Variants in IP6K2 observed in about 807,000 individuals in gnomAD.
IP6K2 encodes the protein ATP:1D-myo-inositol-hexakisphosphate phosphotransferase.
Under a neutral mutation model 43.3 loss-of-function variants are expected in IP6K2, and 9 were observed. The observed-to-expected ratio is 0.21, with a 90% CI of 0.13 to 0.36. The LOEUF (loss-of-function observed/expected upper bound fraction) is 0.36. Ranked by LOEUF, IP6K2 falls within the 10% of genes least tolerant of loss-of-function variation. The probability of loss-of-function intolerance (pLI) is 1.00; values close to 1 mark genes in which losing one functional copy is unlikely to be tolerated. For synonymous variants in IP6K2, 209 were observed against 202.4 expected, an observed-to-expected ratio of 1.03 and a Z score of -0.28; for missense variants, 332 against 538.4, an observed-to-expected ratio of 0.62 and a Z score of 3.79.
chr3:48,691,551 C>T (rs2077779135), intron 3 of IP6K2, 69 bp from the exon 4 acceptor site: 3 of 1,216,768 alleles, frequency 2.5e-6, no homozygotes, highest in African/African-American at 3.0e-5. Flanking sequence ...CATGGTGGCT[C>T]ATGCCTGTAA....
intron 1 of IP6K2, among the ~76,000 whole-genome samples, chr3:48,704,002 G>GA (rs1156234499): frequency 6.6e-6 from 1 of 151,946 alleles, no homozygotes; most frequent in East Asian, 1.9e-4. Flanking sequence ...TGAGGTAGGA[G>GA]AATTGCTTGA....
In IP6K2 at chr3:48,688,591, C is replaced by A. The variant is rs1220111422; in HGVS notation, c.963G>T (p.Gln321His). The A allele has an allele frequency of 1.2e-6, 2 of 1,614,256 alleles. No homozygotes were observed. The highest frequency in any genetic ancestry group is 1.1e-5 in the South Asian group (1 of 91,090). The part of the protein sequence containing the change: ...LTELKAVLER[Q>H]ESYRFYSSSL... The stretch of plus-strand genomic sequence containing the variant: ...AGCTTGAGTAGAAGCGGTAGGACTC[C>A]TGTCGCTCCAACACTGCCTTGAGCT... The change falls in exon 6 of 6, where the codon CAG (glutamine) becomes CAT (histidine). Residue 321 changes from glutamine (Q) to histidine (H), a missense_variant. Gln to His is a conservative substitution (Grantham distance 24). Coordinates refer to ENST00000328631, the MANE Select transcript of IP6K2 (RefSeq NM_016291.4). The surrounding 1 kb of genome is among the most constrained non-coding windows in gnomAD (Gnocchi z 5.1).
chr3:48,695,112 G>T lies in IP6K2; in HGVS notation c.180C>A (p.Arg60=). ...TACCTTTGTACTGGGGAGTGAATTT[G>T]CGCATCTCAGCAGGGAGGGTCTCGT... The part of the protein sequence containing the change: ...QFYETLPAEM[R]KFTPQYKGVV... The change falls in exon 2 of 6, where the codon CGC becomes CGA. Residue 60 remains arginine, a synonymous_variant. Transcript: ENST00000328631. The surrounding 1 kb of genome is among the most constrained non-coding windows in gnomAD (Gnocchi z 4.6). The T allele has an allele frequency of 6.2e-7, 1 of 1,613,012 alleles. No individual in the cohort carries two copies. The highest frequency in any genetic ancestry group is 8.5e-7 in the Non-Finnish European group (1 of 1,178,982).
intron 1 of IP6K2, among the ~76,000 whole-genome samples, chr3:48,712,488 C>T (rs1559568743): frequency 6.6e-6 from 1 of 151,744 alleles, no homozygotes; most frequent in South Asian, 2.1e-4. Flanking sequence ...CCTCATGATC[C>T]GCCTGCCTTC....
At position 48,695,600 on chromosome 3, in the gene IP6K2, G is replaced by C. The variant is rs1028653500; in HGVS notation, c.-130-179C>G. 2 of 741,754 alleles carry C rather than the reference G, an allele frequency of 2.7e-6. No homozygotes were observed. The highest frequency in any genetic ancestry group is 3.8e-6 in the Non-Finnish European group (2 of 532,620). The allele number at this position is 741,754 out of a possible 1,614,324, so 45.9% of individuals were successfully genotyped here. A position where few individuals can be genotyped will look rare whatever the true frequency, so the allele number is the denominator to read the frequency against. On this transcript the variant is annotated intron_variant, in intron 1 of 5. Transcript: ENST00000328631. The surrounding 1 kb of genome is among the most constrained non-coding windows in gnomAD (Gnocchi z 4.6). ...TCCGGCAGAAAAACAAAAACACTAT[G>C]AGCTCATGGGGCGGGGTTAGATGCA... is the stretch of plus-strand genomic sequence containing the variant.
intron 2 of IP6K2, 50 bp from the exon 3 acceptor site, chr3:48,693,229 C>T (rs752281924): frequency 4.8e-6 from 7 of 1,448,584 alleles, no homozygotes; most frequent in South Asian, 1.1e-5. Context: ...CAGGAAGAAG[C>T]GTTGTAAGTA....
intron 2 of IP6K2, chr3:48,694,480 C>A (rs751830221): frequency 3.9e-6 from 6 of 1,548,528 alleles, no homozygotes; most frequent in Non-Finnish European, 5.2e-6. Flanking sequence ...AAGACTCCCC[C>A]ACTCCCCAAC....
At chr3:48,702,948 C>T (rs1379316356) in intron 1 of IP6K2, among the ~76,000 whole-genome samples, 1 of 152,238 alleles carries the variant, frequency 6.6e-6, no homozygotes, top group Non-Finnish European at 1.5e-5. Context: ...AAGGCACCCA[C>T]TGCAATCATC....
chr3:48,715,239 TGAAA>T (rs2081063619), intron 1 of IP6K2: 3 of 1,472,584 alleles, frequency 2.0e-6, no homozygotes, highest in Non-Finnish European at 1.8e-6. Flanking sequence ...TCCCACTAGG[TGAAA>T]TAACTTCACT....
chr3:48,705,028 G>A (rs939111377), intron 1 of IP6K2, among the ~76,000 whole-genome samples: 1 of 151,956 alleles, frequency 6.6e-6, no homozygotes, highest in Non-Finnish European at 1.5e-5. Context: ...TGCAAGCTCC[G>A]CCTCCCAGGT....
chr3:48,714,829 C>CAG (rs146456944), intron 1 of IP6K2, among the ~76,000 whole-genome samples: 1 of 120,936 alleles, frequency 8.3e-6, no homozygotes, highest in African/African-American at 3.2e-5. Context: ...GCCTGGGCGA[C>CAG]AGAGAGAGAC....
chr3:48,692,145 C>T (rs534890235), intron 3 of IP6K2, among the ~76,000 whole-genome samples: 82 of 152,276 alleles, frequency 5.4e-4, no homozygotes, highest in African/African-American at 1.9e-3. Context: ...AAACTTTCTA[C>T]AGTAATGAAA....
At chr3:48,702,055 T>C (rs1422889258) in intron 1 of IP6K2, among the ~76,000 whole-genome samples, 1 of 152,066 alleles carries the variant, frequency 6.6e-6, no homozygotes, top group Admixed American at 6.6e-5. Flanking sequence ...CCTTGACCTC[T>C]ACTAAAATAA....
chr3:48,692,719 AGAGT>A (rs35129867), intron 3 of IP6K2, among the ~76,000 whole-genome samples: 12 of 152,238 alleles, frequency 7.9e-5, no homozygotes, highest in Admixed American at 7.9e-4. Context: ...CAGTCATAGA[AGAGT>A]GAGTGAATCT....
At chr3:48,715,343 G>C (rs1391894137) in intron 1 of IP6K2, 1 of 1,536,036 alleles carries the variant, frequency 6.5e-7, no homozygotes, top group Non-Finnish European at 8.7e-7. Context: ...GGGAGGTTCA[G>C]GCTCATCCCT....
chr3:48,714,031 C>T (rs1306635549), intron 1 of IP6K2, among the ~76,000 whole-genome samples: 2 of 152,192 alleles, frequency 1.3e-5, no homozygotes, highest in Non-Finnish European at 2.9e-5. Flanking sequence ...GCAGGAGAAT[C>T]GGTTGAACCT....
In IP6K2 at chr3:48,688,408, G is replaced by C. The variant is rs1175586691; in HGVS notation, c.1146C>G (p.Ile382Met). ...IGASSVDVRM[I>M]DFAHTTCRLY... Reference sequence around the variant, plus strand: ...GCCTGCAGGTGGTGTGTGCAAAGTCGATCATGCGCACATCTACAGAGCTGG... The same window carrying C: ...GCCTGCAGGTGGTGTGTGCAAAGTCCATCATGCGCACATCTACAGAGCTGG... The change falls in exon 6 of 6, where the codon ATC becomes ATG. Residue 382 changes from isoleucine to methionine, a missense_variant. Ile to Met is a conservative substitution (Grantham distance 10). Transcript: ENST00000328631. The surrounding 1 kb of genome is among the most constrained non-coding windows in gnomAD (Gnocchi z 5.1). 6.2e-7 allele frequency: 1 copy of C among 1,614,238 alleles called. No homozygotes were observed. Among genetic ancestry groups the C allele is most frequent in the Non-Finnish European group, 8.5e-7 (1 of 1,180,042 alleles).
Position 48,693,003 on chromosome 3 carries a change from T to A in IP6K2, c.379A>T (p.Thr127Ser), listed in dbSNP as rs750673256. The A allele has an allele frequency of 7.4e-6, 12 of 1,614,094 alleles. No individual in the cohort carries two copies. Among genetic ancestry groups the A allele is most frequent in the African/African-American group, 4.0e-5 (3 of 74,938 alleles). Residue 127 changes from threonine to serine, a missense_variant, in exon 3 of 6, where the codon ACC (threonine) becomes TCC (serine). Coordinates refer to ENST00000328631, the MANE Select transcript of IP6K2 (RefSeq NM_016291.4). ...TGCTGACGCACCCAGTCCTTAGGGG[T>A]CTTTTCTGTTTCTAAGACATGATGT... is the stretch of plus-strand genomic sequence containing the variant. ...KKHHVLETEKTPKDWVRQHRK... is the reference protein window; with the variant it reads ...KKHHVLETEKSPKDWVRQHRK...
At chr3:48,714,714 G>A (rs1006785662) in intron 1 of IP6K2, among the ~76,000 whole-genome samples, 1 of 152,098 alleles carries the variant, frequency 6.6e-6, no homozygotes, top group African/African-American at 2.4e-5. Flanking sequence ...TCTTTAAAAG[G>A]TAGGGCAGGC....
Sources: allele counts gnomAD v4.1 joint callset (sites outside exome capture counted in the v4.1 genomes callset), GRCh38; gene constraint gnomAD v4.1.1; non-coding constraint Gnocchi (gnomAD v3.1); transcripts MANE v1.5; gene names NCBI Gene and HGNC (gene_info 2026-07-23, HGNC 2026-07-21).